The following AQP9 variants were observed in gnomAD, a reference collection of about 807,000 sequenced individuals.
The protein encoded by AQP9 is aquaporin 9, also known as aquaporin-9.
A neutral mutation model predicts 23.8 loss-of-function variants in AQP9; 19 were observed. The ratio of observed to expected loss-of-function variants is 0.80; its 90% confidence interval spans 0.56 to 1.17. AQP9 has a LOEUF of 1.17. Ranked by LOEUF, AQP9 falls within the 50% of genes most tolerant of loss-of-function variation. The pLI, the probability that AQP9 is intolerant of heterozygous loss-of-function variation, is 0.00. For missense variants in AQP9, 413 were observed against 362.0 expected, an observed-to-expected ratio of 1.14 and a Z score of -1.14; for synonymous variants, 153 against 131.5, an observed-to-expected ratio of 1.16 and a Z score of -1.12.
At chr15:58,142,437 A>G (rs1897967315) in intron 1 of AQP9, among the ~76,000 whole-genome samples, 2 of 152,228 alleles carry the variant, frequency 1.3e-5, no homozygotes, top group African/African-American at 2.4e-5. Context: ...AGCAGTGTCA[A>G]AAGATGATTT....
chr15:58,145,548 T>G (rs1333848653), intron 1 of AQP9, among the ~76,000 whole-genome samples: 6 of 152,006 alleles, frequency 3.9e-5, no homozygotes, highest in African/African-American at 1.4e-4. Context: ...AAATCAATTT[T>G]TCTTCTGAAC....
chr15:58,163,066 T>C (rs1359412062), intron 1 of AQP9, among the ~76,000 whole-genome samples: 1 of 152,194 alleles, frequency 6.6e-6, no homozygotes, highest in African/African-American at 2.4e-5. Context: ...GGTGGTGTTA[T>C]GTGCAGAAAG....
In AQP9 at chr15:58,185,694, A is replaced by AG. The variant is rs563932955; in HGVS notation, c.*1562dup. 4.1e-4 allele frequency: 63 copies of AG among 152,306 alleles called. No individual in the cohort carries two copies. The highest frequency in any genetic ancestry group is 1.4e-3 in the African/African-American group (60 of 41,574). The allele number at this position is 152,306 out of a possible 1,614,324, so 9.4% of individuals were successfully genotyped here. On this transcript the variant is annotated 3_prime_UTR_variant, in exon 6 of 6. Transcript: ENST00000219919. ...AAGCACCAGGGGATGCTCTACATCA[A>AG]GGGATGCACCTTCAGTCAAACTGTC...
rs1224891293 is a variant in AQP9 at position 58,173,195 on chromosome 15, C to T, written c.366C>T (p.Gly122=). Residue 122 remains glycine, a synonymous_variant, in exon 3 of 6, where the codon GGC becomes GGT. Coordinates refer to ENST00000219919, the MANE Select transcript of AQP9 (RefSeq NM_020980.5). ...TTGTGGGGGCTGCAACCGTCTTTGG[C>T]ATTTACTATGGTGAGTAAAGTCCCT... ...GAFVGAATVF[G]IYYDGLMSFA... is the part of the protein sequence containing the mutation. 1 of 1,614,004 alleles carries T rather than the reference C, an allele frequency of 6.2e-7. No homozygotes were observed. Among genetic ancestry groups the T allele is most frequent in the Non-Finnish European group, 8.5e-7 (1 of 1,180,012 alleles).
chr15:58,174,436 G>C (rs1409723069), intron 3 of AQP9, among the ~76,000 whole-genome samples: 1 of 152,230 alleles, frequency 6.6e-6, no homozygotes, highest in Non-Finnish European at 1.5e-5. Context: ...GCTGTGGCAA[G>C]AATGGCCTGG....
chr15:58,155,631 A>G (rs1188964077), intron 1 of AQP9: 1 of 152,056 alleles, frequency 6.6e-6, no homozygotes, highest in Non-Finnish European at 1.5e-5. Flanking sequence ...CACGCTTACT[A>G]CACAATCAAA....
At chr15:58,180,142 T>C (rs1316322593) in intron 5 of AQP9, among the ~76,000 whole-genome samples, 1 of 152,202 alleles carries the variant, frequency 6.6e-6, no homozygotes, top group Admixed American at 6.5e-5. Context: ...CTGGTTTCCC[T>C]GCATGCAGTC....
intron 2 of AQP9, among the ~76,000 whole-genome samples, chr15:58,171,627 G>T (rs1898623677): frequency 6.6e-6 from 1 of 152,182 alleles, no homozygotes; most frequent in South Asian, 2.1e-4. Flanking sequence ...AATCATCTGT[G>T]CTTCAATACA....
At chr15:58,168,877 G>A (rs1347367623) in intron 2 of AQP9, among the ~76,000 whole-genome samples, 1 of 152,166 alleles carries the variant, frequency 6.6e-6, no homozygotes, top group Non-Finnish European at 1.5e-5. Flanking sequence ...CATATTTTCA[G>A]CCTTTTTTTA....
intron 1 of AQP9, chr15:58,150,835 A>G (rs1595729798): frequency 6.6e-6 from 1 of 152,122 alleles, no homozygotes; most frequent in South Asian, 2.1e-4. Context: ...TTGCTCTACT[A>G]CTGCCCCTGC....
chr15:58,174,770 C>T lies in AQP9; in HGVS notation c.377-148C>T, dbSNP rs1343091124. 6 of 674,786 alleles carry T rather than the reference C, an allele frequency of 8.9e-6. No homozygotes were observed. In the African/African-American group the frequency reaches 8.9e-5, roughly 10 times the overall value. The allele number at this position is 674,786 out of a possible 1,614,324, so 41.8% of individuals were successfully genotyped here. On this transcript the variant is annotated intron_variant, in intron 3 of 5. Transcript: ENST00000219919. ...GGGATTCACCTGGGCATCTCTAAAA[C>T]TATCATTCCTCGGAAGTAGAGAGAG... is the stretch of plus-strand genomic sequence containing the variant.
intron 1 of AQP9, among the ~76,000 whole-genome samples, chr15:58,148,597 A>T (rs1414715212): frequency 6.6e-6 from 1 of 152,192 alleles, no homozygotes; most frequent in East Asian, 1.9e-4. Context: ...GCCCACTCAG[A>T]GTCACAGTTA....
At chr15:58,172,059 A>T (rs1195119030) in intron 2 of AQP9, among the ~76,000 whole-genome samples, 1 of 152,218 alleles carries the variant, frequency 6.6e-6, no homozygotes, top group Admixed American at 6.5e-5. Context: ...TTCTGCCCAC[A>T]AAAGCAGAGA....
chr15:58,180,482 C>T (rs781112355), intron 5 of AQP9, among the ~76,000 whole-genome samples: 1 of 152,112 alleles, frequency 6.6e-6, no homozygotes, highest in Non-Finnish European at 1.5e-5. Context: ...CCTGGTATAT[C>T]CACAGTGCCT....
chr15:58,141,787 G>A (rs1173765088), intron 1 of AQP9, among the ~76,000 whole-genome samples: 1 of 152,168 alleles, frequency 6.6e-6, no homozygotes, highest in Non-Finnish European at 1.5e-5. Context: ...AGACACTCTA[G>A]GGCTTTAAAA....
In AQP9 at chr15:58,166,518, A is replaced by T. The variant is rs184934061; in HGVS notation, c.112-155A>T. 32 of 931,258 alleles carry T rather than the reference A, an allele frequency of 3.4e-5. No homozygotes were observed. In the East Asian group the frequency reaches 9.3e-4, roughly 27 times the overall value. 57.7% of individuals were successfully genotyped at this position (931,258 alleles called of 1,614,324 possible). A position where few individuals can be genotyped will look rare whatever the true frequency, so the allele number is the denominator to read the frequency against. ...GCAGCCTTGGGTCCACCATTTTGCTATCTGTGTATAGCTGAATCATTATAA... is the reference window on the plus strand; with the variant it reads ...GCAGCCTTGGGTCCACCATTTTGCTTTCTGTGTATAGCTGAATCATTATAA... On this transcript the variant is annotated intron_variant, in intron 1 of 5. Transcript: ENST00000219919.
At chr15:58,182,959 G>A (rs1898926132) in intron 5 of AQP9, among the ~76,000 whole-genome samples, 1 of 152,162 alleles carries the variant, frequency 6.6e-6, no homozygotes, top group Admixed American at 6.5e-5. Flanking sequence ...CTTGTGTCCT[G>A]CTTATTTCCT....
At chr15:58,183,001 T>C (rs899647615) in intron 5 of AQP9, among the ~76,000 whole-genome samples, 7 of 152,202 alleles carry the variant, frequency 4.6e-5, no homozygotes, top group South Asian at 2.1e-4. Context: ...GTTTGAGATA[T>C]ACAAAAGGCC....
At chr15:58,176,385 G>A (rs1898754130) in intron 4 of AQP9, among the ~76,000 whole-genome samples, 1 of 152,038 alleles carries the variant, frequency 6.6e-6, no homozygotes, top group South Asian at 2.1e-4. Flanking sequence ...ATGCGTGGTG[G>A]TGCTTGCATG....
Sources: gnomAD v4.1 joint callset for allele counts (sites outside exome capture counted in the v4.1 genomes callset) on GRCh38, gnomAD v4.1.1 for gene constraint, MANE v1.5 for transcripts, NCBI Gene and HGNC (gene_info 2026-07-23, HGNC 2026-07-21) for gene names.